CDKN2B-AS1: variants seen among roughly 807,000 people sequenced by gnomAD.
CDKN2B-AS1 encodes CDKN2B and CDKN2A antisense cis and trans regulatory RNA 1, also known as CDKN2B antisense RNA 1 (non-protein coding).
At chr9:22,033,390 C>A (rs1759417) in intron 1 of CDKN2B-AS1, among the ~76,000 whole-genome samples, 17 of 152,194 alleles carry the variant, frequency 1.1e-4, no homozygotes, top group African/African-American at 3.9e-4. Context: ...ATCACAATTT[C>A]CTCACTATAT....
At chr9:22,027,643 A>G (rs1029779819) in intron 1 of CDKN2B-AS1, among the ~76,000 whole-genome samples, 1 of 152,188 alleles carries the variant, frequency 6.6e-6, no homozygotes, top group Non-Finnish European at 1.5e-5. Flanking sequence ...AATTTATCAA[A>G]TAGCCATTCA....
chr9:22,089,511 C>G (rs1824989977), intron 4 of CDKN2B-AS1, among the ~76,000 whole-genome samples: 1 of 152,154 alleles, frequency 6.6e-6, no homozygotes, highest in African/African-American at 2.4e-5. Context: ...CTCACTGCAG[C>G]CTTGATCTAC....
intron 4 of CDKN2B-AS1, among the ~76,000 whole-genome samples, chr9:22,080,903 T>C (rs1824669612): frequency 6.6e-6 from 1 of 152,226 alleles, no homozygotes; most frequent in Non-Finnish European, 1.5e-5. Context: ...TAGTTCTTTT[T>C]ATTTGAAATA....
rs768747657 is a variant in CDKN2B-AS1, at chr9:21,996,356, T to A, written n.29+1195T>A. 2.6e-5 allele frequency among the ~76,000 whole-genome samples: 4 copies of A among 152,152 alleles called. No individual in the cohort carries two copies. The highest frequency in any genetic ancestry group is 5.9e-5 in the Non-Finnish European group (4 of 68,024). On this transcript the variant is annotated intron_variant and non_coding_transcript_variant, in intron 1 of 4. Coordinates refer to ENST00000650946, the Ensembl canonical transcript of CDKN2B-AS1. This position sits in a 1 kb window ranked among gnomAD's most constrained non-coding sequence, Gnocchi z 5.4. The stretch of plus-strand genomic sequence containing the variant: ...CCCGGTAGGTAGATTTCACTCAGAA[T>A]TTACCCAACACCGTGCTTTGTGCTG...
chr9:22,024,444 T>A (rs1822146671), intron 1 of CDKN2B-AS1, among the ~76,000 whole-genome samples: 1 of 152,196 alleles, frequency 6.6e-6, no homozygotes. Flanking sequence ...TGCTATAGAC[T>A]GTCTGTGCTT....
chr9:22,094,219 A>G (rs1825196111), intron 4 of CDKN2B-AS1, among the ~76,000 whole-genome samples: 1 of 143,482 alleles, frequency 7.0e-6, no homozygotes, highest in Non-Finnish European at 1.5e-5. Context: ...CTTTGTGGGT[A>G]ACCCGACCTT....
At chr9:22,105,959 G>A (rs549209261) in intron 4 of CDKN2B-AS1, among the ~76,000 whole-genome samples, 3 of 152,300 alleles carry the variant, frequency 2.0e-5, no homozygotes, top group East Asian at 1.9e-4. Context: ...CGCCCAGGCC[G>A]GAGTGCAATG....
At chr9:22,120,664 CAT>C (rs1370756275) in intron 4 of CDKN2B-AS1, 2 of 152,000 alleles carry the variant, frequency 1.3e-5, no homozygotes, top group Non-Finnish European at 2.9e-5. Flanking sequence ...GAAAGGTAAA[CAT>C]GTGGATAAAC....
intron 3 of CDKN2B-AS1, among the ~76,000 whole-genome samples, chr9:22,052,371 G>C (rs536534387): frequency 6.6e-6 from 1 of 152,240 alleles, no homozygotes; most frequent in African/African-American, 2.4e-5. Flanking sequence ...TATTTTCAGA[G>C]TAATGTAGTG....
At chr9:22,044,410 G>A (rs1475140033) in intron 1 of CDKN2B-AS1, among the ~76,000 whole-genome samples, 1 of 151,920 alleles carries the variant, frequency 6.6e-6, no homozygotes, top group Non-Finnish European at 1.5e-5. Context: ...GTGTAACTTT[G>A]GGTCTGTTAG....
chr9:22,112,280 G>C (rs1327982867), intron 4 of CDKN2B-AS1: 1 of 152,244 alleles, frequency 6.6e-6, no homozygotes, highest in African/African-American at 2.4e-5. Flanking sequence ...TCTTGCTCAG[G>C]CTTTTCTCCC....
At position 22,005,701 on chromosome 9, in the gene CDKN2B-AS1, T is replaced by C. The variant is rs1428736032; in HGVS notation, n.29+10540T>C. 1 of 547,354 alleles carries C rather than the reference T, an allele frequency of 1.8e-6. No homozygotes were observed. Among genetic ancestry groups the C allele is most frequent in the East Asian group, 3.1e-5 (1 of 31,962 alleles). 33.9% of individuals were successfully genotyped at this position (547,354 alleles called of 1,614,324 possible). On this transcript the variant is annotated intron_variant and non_coding_transcript_variant, in intron 1 of 4. Coordinates refer to ENST00000650946, the Ensembl canonical transcript of CDKN2B-AS1. This position sits in a 1 kb window ranked among gnomAD's most constrained non-coding sequence, Gnocchi z 4.9. ...ATATGCACTTTCCCTCAGAAAACCC[T>C]GAAAAGCAAACGACCCCTGGAATGT... is the stretch of plus-strand genomic sequence containing the variant.
At chr9:22,015,811 A>G (rs956174379) in intron 1 of CDKN2B-AS1, among the ~76,000 whole-genome samples, 2 of 152,106 alleles carry the variant, frequency 1.3e-5, no homozygotes, top group African/African-American at 2.4e-5. Flanking sequence ...ATGGTATCTC[A>G]TTGTGGTTTT....
chr9:22,099,922 G>A (rs1825426144), intron 4 of CDKN2B-AS1, among the ~76,000 whole-genome samples: 1 of 152,062 alleles, frequency 6.6e-6, no homozygotes, highest in Non-Finnish European at 1.5e-5. Context: ...GGCATTGGGT[G>A]GCTGAGGGAG....
At chr9:22,030,352 C>G (rs895145071) in intron 1 of CDKN2B-AS1, 5 of 152,254 alleles carry the variant, frequency 3.3e-5, no homozygotes, top group Admixed American at 2.0e-4. Flanking sequence ...TGTTCCTTTG[C>G]CCTTAGGGGG....
intron 4 of CDKN2B-AS1, among the ~76,000 whole-genome samples, chr9:22,091,673 T>C (rs1288115211): frequency 6.6e-6 from 1 of 152,202 alleles, no homozygotes; most frequent in African/African-American, 2.4e-5. Flanking sequence ...ACATTGATTT[T>C]TTATCCTGAG....
chr9:22,007,748 C>T (rs1821265478), intron 1 of CDKN2B-AS1, among the ~76,000 whole-genome samples: 1 of 152,058 alleles, frequency 6.6e-6, no homozygotes, highest in Admixed American at 6.5e-5. Flanking sequence ...AAAATAGCTG[C>T]TGTTAGTATT....
intron 1 of CDKN2B-AS1, among the ~76,000 whole-genome samples, chr9:22,020,284 A>G (rs1821961919): frequency 6.6e-6 from 1 of 152,186 alleles, no homozygotes; most frequent in South Asian, 2.1e-4. Flanking sequence ...ACTGATGGGC[A>G]TTTATGTTGA....
intron 4 of CDKN2B-AS1, among the ~76,000 whole-genome samples, chr9:22,098,161 G>C (rs915625094): frequency 0.012 from 1,679 of 136,508 alleles, 36 homozygotes; most frequent in African/African-American, 0.054. Flanking sequence ...CTGTCTCTGT[G>C]TGTGTGTGTG....
Sources: gnomAD v4.1 joint callset for allele counts (sites outside exome capture counted in the v4.1 genomes callset) on GRCh38, gnomAD v4.1.1 for gene constraint, Gnocchi (gnomAD v3.1) non-coding constraint, MANE v1.5 for transcripts, NCBI Gene and HGNC (gene_info 2026-07-23, HGNC 2026-07-21) for gene names.